The following ARHGAP26 variants were observed in gnomAD, a reference collection of about 807,000 sequenced individuals.
ARHGAP26 encodes the protein rho GTPase-activating protein 26.
A neutral mutation model predicts 104.8 loss-of-function variants in ARHGAP26; 38 were observed. The ratio of observed to expected loss-of-function variants is 0.36; its 90% CI spans 0.28 to 0.48. The LOEUF (loss-of-function observed/expected upper bound fraction) is 0.48, where lower values mean the gene tolerates loss of function less well. ARHGAP26 is among the 20% of genes least tolerant of loss of function. ARHGAP26 has a pLI of 0.99. For missense variants in ARHGAP26, 704 were observed against 947.9 expected, an observed-to-expected ratio of 0.74 and a Z score of 3.38; for synonymous variants, 341 against 340.0, an observed-to-expected ratio of 1.00 and a Z score of -0.03.
In ARHGAP26 at chr5:142,913,239, G is replaced by A. The variant is rs375994805; in HGVS notation, c.974G>A (p.Arg325Gln). The A allele has an allele frequency of 5.6e-6, 9 of 1,614,164 alleles. No individual in the cohort carries two copies. The highest frequency in any genetic ancestry group is 1.7e-5 in the Admixed American group (1 of 60,014). The change falls in exon 10 of 23, where the codon CGG (arginine) becomes CAG (glutamine). Residue 325 changes from arginine (R) to glutamine (Q), a missense_variant. Coordinates refer to ENST00000645722, the MANE Select transcript of ARHGAP26 (RefSeq NM_001135608.3). ...GTTATCCTCAAATCCTGCACACGGC[G>A]GAAAACAGACTCCATTGAGAAGAGG... ...ESVILKSCTR[R>Q]KTDSIEKRFC...
At chr5:142,884,284 C>A (rs564735608) in intron 4 of ARHGAP26, among the ~76,000 whole-genome samples, 5 of 152,318 alleles carry the variant, frequency 3.3e-5, no homozygotes, top group African/African-American at 1.2e-4. Flanking sequence ...CTCTGTCACT[C>A]TCCGTGACTT....
intron 1 of ARHGAP26, among the ~76,000 whole-genome samples, chr5:142,796,323 TC>T (rs1430293892): frequency 2.0e-5 from 3 of 152,224 alleles, no homozygotes; most frequent in Admixed American, 1.3e-4. Flanking sequence ...ATTGCCTCTG[TC>T]TTTGAGCAAA....
intron 11 of ARHGAP26, among the ~76,000 whole-genome samples, chr5:142,937,307 A>G (rs1304350206): frequency 1.3e-5 from 2 of 152,214 alleles, no homozygotes; most frequent in East Asian, 3.8e-4. Context: ...AAAGATGTTC[A>G]ATATCATTAG....
chr5:143,121,185 C>A (rs765329051), intron 18 of ARHGAP26, 38 bp downstream of exon 18: 2 of 1,592,028 alleles, frequency 1.3e-6, no homozygotes, highest in Non-Finnish European at 1.7e-6. Context: ...AAGAATGTAC[C>A]TGGGGGGAAG....
chr5:143,041,862 A>G lies in ARHGAP26; in HGVS notation c.1257A>G (p.Arg419=). The G allele has an allele frequency of 6.2e-7, 1 of 1,600,766 alleles. No individual in the cohort carries two copies. The highest frequency in any genetic ancestry group is 1.1e-5 in the South Asian group (1 of 88,630). The part of the protein sequence containing the change: ...GLYRIVGVNS[R]VQKLLSVLMD... ...ATCGAATTGTGGGTGTCAACTCCAG[A>G]GTGCAGAAGTTGCTGAGTGTCCTGA... Residue 419 remains arginine (R), a synonymous_variant, in exon 14 of 23, where the codon AGA becomes AGG. Transcript: ENST00000645722.
intron 10 of ARHGAP26, among the ~76,000 whole-genome samples, chr5:142,926,839 TC>T (rs1225011665): frequency 6.6e-6 from 1 of 152,194 alleles, no homozygotes; most frequent in Non-Finnish European, 1.5e-5. Flanking sequence ...ACCATCCTGT[TC>T]CTGCTCACCC....
intron 11 of ARHGAP26, among the ~76,000 whole-genome samples, chr5:142,983,404 C>G (rs1774234210): frequency 6.6e-6 from 1 of 152,224 alleles, no homozygotes; most frequent in South Asian, 2.1e-4. Flanking sequence ...CAGGTTTACA[C>G]CATGTTGGCC....
chr5:143,020,879 A>T (rs1354646889), intron 12 of ARHGAP26, among the ~76,000 whole-genome samples: 4 of 152,108 alleles, frequency 2.6e-5, no homozygotes, highest in Non-Finnish European at 5.9e-5. Context: ...TGACCTCATG[A>T]TCCGCCCATC....
chr5:143,015,003 C>T (rs1779389680), intron 12 of ARHGAP26, among the ~76,000 whole-genome samples: 1 of 152,110 alleles, frequency 6.6e-6, no homozygotes, highest in Admixed American at 6.5e-5. Flanking sequence ...AAAGCCATTA[C>T]AGGACAGAGA....
intron 1 of ARHGAP26, among the ~76,000 whole-genome samples, chr5:142,807,415 A>G (rs765700197): frequency 4.6e-5 from 7 of 152,138 alleles, no homozygotes; most frequent in Admixed American, 2.0e-4. Context: ...CAGTTTCTAC[A>G]CCAGATTGTA....
chr5:142,980,428 G>T (rs937108923), intron 11 of ARHGAP26, among the ~76,000 whole-genome samples: 8 of 144,128 alleles, frequency 5.6e-5, no homozygotes, highest in Non-Finnish European at 1.1e-4. Context: ...TTGCTTAGTT[G>T]CCCAGGCTGG....
chr5:143,202,347 C>A (rs1192625250), intron 20 of ARHGAP26: 3 of 151,524 alleles, frequency 2.0e-5, no homozygotes, highest in African/African-American at 4.9e-5. Flanking sequence ...CCTAGGAATA[C>A]AACTTACAAG....
rs539195896 is a variant in ARHGAP26, at chr5:142,918,133, ATATTT to A, written c.1028+4856_1028+4860del. ...TCAAGGATCCATTTTATTTTATTTTATATTTTATTTTATTTTATTTATTTTATTTT... is the reference window on the plus strand; with the variant it reads ...TCAAGGATCCATTTTATTTTATTTTATATTTTATTTTATTTATTTTATTTT... On this transcript the variant is annotated intron_variant, in intron 10 of 22. Transcript: ENST00000645722. Among the ~76,000 whole-genome samples, 1,141 of 151,900 alleles carry A rather than the reference ATATTT, an allele frequency of 7.5e-3. 8 individuals are homozygous for A. The highest frequency in any genetic ancestry group is 0.012 in the Admixed American group (185 of 15,266).
At chr5:143,148,916 C>T (rs548491272) in intron 20 of ARHGAP26, among the ~76,000 whole-genome samples, 48 of 152,280 alleles carry the variant, frequency 3.2e-4, no homozygotes, top group East Asian at 7.7e-4. Flanking sequence ...TTTAGCCAGC[C>T]GCTACCAACT....
intron 2 of ARHGAP26, among the ~76,000 whole-genome samples, chr5:142,873,801 G>GTA (rs202198649): frequency 0.013 from 1,943 of 152,198 alleles, 37 homozygotes; most frequent in African/African-American, 0.044. Context: ...TTCAACCATA[G>GTA]TACTAAGAGC....
intron 1 of ARHGAP26, among the ~76,000 whole-genome samples, chr5:142,779,585 C>G (rs1287949385): frequency 6.6e-6 from 1 of 152,210 alleles, no homozygotes. Flanking sequence ...CAAAAAACTC[C>G]TATTTTATAT....
intron 19 of ARHGAP26, among the ~76,000 whole-genome samples, chr5:143,136,065 GA>G (rs1280276167): frequency 1.3e-5 from 2 of 152,232 alleles, no homozygotes; most frequent in African/African-American, 4.8e-5. Flanking sequence ...GTACGGTGTA[GA>G]TTAGGAGAGG....
chr5:143,133,844 G>C (rs1797629612), intron 18 of ARHGAP26, 123 bp from the exon 19 acceptor site: 1 of 898,490 alleles, frequency 1.1e-6, no homozygotes, highest in Non-Finnish European at 1.6e-6. Context: ...ACTGCCAGTG[G>C]TCTTCTCGGA....
chr5:142,849,310 A>G (rs1751061979), intron 1 of ARHGAP26, among the ~76,000 whole-genome samples: 1 of 152,196 alleles, frequency 6.6e-6, no homozygotes, highest in East Asian at 1.9e-4. Context: ...AAAAAGACCC[A>G]AGACTTCAGA....
Sources: gnomAD v4.1 joint callset for allele counts (sites outside exome capture counted in the v4.1 genomes callset) on GRCh38, gnomAD v4.1.1 for gene constraint, MANE v1.5 for transcripts, NCBI Gene and HGNC (gene_info 2026-07-23, HGNC 2026-07-21) for gene names.